ABL1: variants seen among roughly 807,000 people sequenced by gnomAD.
The protein encoded by ABL1 is tyrosine-protein kinase ABL1.
A neutral mutation model predicts 94.7 loss-of-function variants in ABL1; 11 were observed. The observed-to-expected ratio is 0.12, with a 90% CI of 0.07 to 0.19. The LOEUF (loss-of-function observed/expected upper bound fraction) is 0.19, where lower values mean the gene tolerates loss of function less well. Among genes scored for constraint, ABL1 ranks in the 10% least tolerant of loss-of-function variants. The pLI is 1.00. For synonymous variants in ABL1, 656 were observed against 622.4 expected (o/e 1.05, Z -0.80); for missense variants, 1,082 against 1,489.4 (o/e 0.73, Z 4.50).
chr9:130,721,225 A>G (rs978979536), intron 1 of ABL1, among the ~76,000 whole-genome samples: 4 of 151,862 alleles, frequency 2.6e-5, no homozygotes, highest in Admixed American at 6.6e-5. Context: ...CTAAAAATAC[A>G]AAAATTAGTC....
intron 1 of ABL1, among the ~76,000 whole-genome samples, chr9:130,811,370 CATAAG>C (rs1192882720): frequency 6.6e-6 from 1 of 152,082 alleles, no homozygotes; most frequent in Non-Finnish European, 1.5e-5. Flanking sequence ...TGGATAAATA[CATAAG>C]ATATTTTTTC....
rs369076507 is a variant in ABL1, at chr9:130,835,454, A to C, written c.8A>C (p.Glu3Ala). ML[E>A]ICLKLVGCKS... The stretch of plus-strand genomic sequence containing the variant: ...ACGTGCTGGCGCGGGAAAATGTTGG[A>C]GATCTGCCTGAAGCTGGTGGGCTGC... The change falls in exon 1 of 11, where the codon GAG becomes GCG. Residue 3 changes from glutamate to alanine, a missense_variant. Physicochemically the swap from Glu to Ala is moderately radical, Grantham distance 107 (BLOSUM62 -1). Coordinates refer to ENST00000318560, the MANE Select transcript of ABL1 (RefSeq NM_005157.6). This position sits in a 1 kb window ranked among gnomAD's most constrained non-coding sequence, Gnocchi z 4.6. The C allele has an allele frequency of 6.4e-6, 10 of 1,552,650 alleles. No individual in the cohort carries two copies. Among genetic ancestry groups the C allele is most frequent in the Admixed American group, 2.0e-5 (1 of 51,090 alleles).
At chr9:130,740,866 G>A (rs1338002628) in intron 1 of ABL1, among the ~76,000 whole-genome samples, 3 of 110,788 alleles carry the variant, frequency 2.7e-5, no homozygotes, top group Non-Finnish European at 5.0e-5. Context: ...TCACTCTGTT[G>A]AACTCCTGGT....
Position 130,862,044 on chromosome 9 carries a change from C to G in ABL1, c.550-719C>G, listed in dbSNP as rs1831082123. Among the ~76,000 whole-genome samples the G allele has an allele frequency of 6.6e-6, 1 of 152,190 alleles. No individual in the cohort carries two copies. ...ACCGAATGCTCTTGTGTCGTAAATC[C>G]TTCCTTTTGCTTCCTCGTGTTGGAT... On this transcript the variant is annotated intron_variant, in intron 3 of 10. Coordinates refer to ENST00000318560, the MANE Select transcript of ABL1 (RefSeq NM_005157.6). The surrounding 1 kb of genome is among the most constrained non-coding windows in gnomAD (Gnocchi z 5.5).
chr9:130,877,831 G>T (rs34489018), intron 7 of ABL1, among the ~76,000 whole-genome samples: 1,480 of 124,594 alleles, frequency 0.012, 163 homozygotes, highest in African/African-American at 0.049. Context: ...TTTTGAGATG[G>T]AGTCTCGCTC....
chr9:130,813,561 CAAAA>C lies in ABL1; in HGVS notation c.137-40482_137-40479del, dbSNP rs57194587. Reference sequence around the variant, plus strand: ...GGCTGAGAGAGCGAGACTCCATCTCCAAAAAAAAAAAAAAAAAAAAAAAAGAAAG... The same window carrying C: ...GGCTGAGAGAGCGAGACTCCATCTCCAAAAAAAAAAAAAAAAAAAAGAAAG... On this transcript the variant is annotated intron_variant, in intron 1 of 10. Transcript: ENST00000372348. Among the ~76,000 whole-genome samples, 225 of 60,676 alleles carry C rather than the reference CAAAA, an allele frequency of 3.7e-3. 1 individual carries two copies. The highest frequency in any genetic ancestry group is 0.012 in the African/African-American group (215 of 17,980). 39.8% of individuals were successfully genotyped at this position (60,676 alleles called of 152,430 possible). A position where few individuals can be genotyped will look rare whatever the true frequency, so the allele number is the denominator to read the frequency against.
At chr9:130,747,401 C>T (rs1210867802) in intron 1 of ABL1, among the ~76,000 whole-genome samples, 1 of 151,978 alleles carries the variant, frequency 6.6e-6, no homozygotes, top group African/African-American at 2.4e-5. Context: ...AATCAAGTCT[C>T]CCTCAGTCTT....
In ABL1 at chr9:130,872,840, C is replaced by G. The variant is rs1363548533; in HGVS notation, c.908-20C>G. ...TGGGAGCGGAGCCACGTGTTGAAGT[C>G]CTCGTTGTCTTGTTGGCAGGGGTCT... is the stretch of plus-strand genomic sequence containing the variant. On this transcript the variant is annotated intron_variant, in intron 5 of 10. Transcript: ENST00000318560. This position sits in a 1 kb window ranked among gnomAD's most constrained non-coding sequence, Gnocchi z 5.0. The G allele has an allele frequency of 1.9e-6, 3 of 1,599,886 alleles. No individual in the cohort carries two copies. In the Middle Eastern group the frequency reaches 5.0e-4, roughly 267 times the overall value.
At position 130,883,958 on chromosome 9, in the gene ABL1, T is replaced by C. The variant is rs34011272; in HGVS notation, c.1679-11T>C. On this transcript the variant is annotated splice_polypyrimidine_tract_variant and intron_variant, in intron 10 of 10. Transcript: ENST00000318560. ...TGTCTGGAGTTGTCAGCTCTTCCCC[T>C]TGCGTTTCAGATCCTCTGGACCATG... 1.6e-4 allele frequency: 251 copies of C among 1,600,758 alleles called. No individual in the cohort carries two copies. In the East Asian group the frequency reaches 5.2e-3, roughly 33 times the overall value.
intron 1 of ABL1, among the ~76,000 whole-genome samples, chr9:130,824,404 C>T (rs1406711070): frequency 6.6e-6 from 1 of 152,134 alleles, no homozygotes; most frequent in Non-Finnish European, 1.5e-5. Flanking sequence ...GATGCCCAGC[C>T]AAAGTGGGGA....
intron 1 of ABL1, among the ~76,000 whole-genome samples, chr9:130,775,323 AT>A (rs1180007932): frequency 5.3e-5 from 8 of 152,274 alleles, no homozygotes; most frequent in Admixed American, 4.6e-4. Context: ...ATAGCTTTAG[AT>A]ATAAAAACTG....
rs587778014 is a variant in ABL1, at chr9:130,884,433, C to T, written c.2143C>T (p.Arg715Cys). ...GGGSSSKRFL[R>C]SCSASCVPHG... ...TGGCAGCTCCAGCAAGCGCTTCCTG[C>T]GCTCTTGCTCCGCCTCCTGCGTTCC... Residue 715 changes from arginine (R) to cysteine (C), a missense_variant, in exon 11 of 11, where the codon CGC becomes TGC. Arg to Cys is a radical substitution (Grantham distance 180, BLOSUM62 -3). Around this residue, in one of 7 missense-constraint regions of ABL1, gnomAD observed 780 missense variants for 835.8 expected, o/e 0.93. Transcript: ENST00000318560. The surrounding 1 kb of genome is among the most constrained non-coding windows in gnomAD (Gnocchi z 5.6). The T allele has an allele frequency of 4.3e-6, 7 of 1,612,234 alleles. No homozygotes were observed. The highest frequency in any genetic ancestry group is 1.7e-5 in the Admixed American group (1 of 59,990).
chr9:130,796,329 C>T (rs1342589691), intron 1 of ABL1, among the ~76,000 whole-genome samples: 4 of 152,120 alleles, frequency 2.6e-5, no homozygotes, highest in African/African-American at 9.7e-5. Context: ...TCAAGACCAG[C>T]TTGGGCAACA....
chr9:130,856,559 TA>T (rs1195865598), intron 3 of ABL1, among the ~76,000 whole-genome samples: 4 of 152,166 alleles, frequency 2.6e-5, no homozygotes, highest in East Asian at 1.9e-4. Flanking sequence ...TGCATATGGT[TA>T]AAAAAAATCA....
intron 1 of ABL1, among the ~76,000 whole-genome samples, chr9:130,826,983 C>T (rs533273820): frequency 2.0e-5 from 3 of 152,250 alleles, no homozygotes; most frequent in Non-Finnish European, 4.4e-5. Context: ...GAGGCTGAGG[C>T]AGGAGAATGG....
intron 1 of ABL1, among the ~76,000 whole-genome samples, chr9:130,823,166 T>C (rs1211231616): frequency 6.6e-6 from 1 of 152,184 alleles, no homozygotes; most frequent in Admixed American, 6.5e-5. Flanking sequence ...TGCAAGTTTA[T>C]AGAAAGGAAA....
At chr9:130,753,134 G>GT (rs1465980674) in intron 1 of ABL1, among the ~76,000 whole-genome samples, 3 of 151,718 alleles carry the variant, frequency 2.0e-5, no homozygotes, top group African/African-American at 7.3e-5. Context: ...GCTGGCACCT[G>GT]TAGTCCCAGC....
In ABL1 at chr9:130,819,724, G is replaced by A. The variant is rs145017157; in HGVS notation, c.137-34340G>A. On this transcript the variant is annotated intron_variant, in intron 1 of 10. Transcript: ENST00000372348. Reference sequence around the variant, plus strand: ...CGGCTACTTTTTTTTTGTATTTTTAGTAGAGATGGAGTTTCACCGTGCTGG... The same window carrying A: ...CGGCTACTTTTTTTTTGTATTTTTAATAGAGATGGAGTTTCACCGTGCTGG... Among the ~76,000 whole-genome samples, 232 of 151,744 alleles carry A rather than the reference G, an allele frequency of 1.5e-3. 1 individual carries two copies. Among genetic ancestry groups the A allele is most frequent in the African/African-American group, 5.2e-3 (217 of 41,376 alleles).
intron 4 of ABL1, among the ~76,000 whole-genome samples, chr9:130,865,695 G>A (rs1403853473): frequency 7.1e-6 from 1 of 141,358 alleles, no homozygotes; most frequent in South Asian, 2.2e-4. Flanking sequence ...GCAGTGAGCC[G>A]TAATCGTGCC....
Sources: allele counts gnomAD v4.1 joint callset (sites outside exome capture counted in the v4.1 genomes callset), GRCh38; gene constraint gnomAD v4.1.1; regional missense constraint gnomAD v4.1.1; non-coding constraint Gnocchi (gnomAD v3.1); transcripts MANE v1.5; gene names NCBI Gene and HGNC (gene_info 2026-07-23, HGNC 2026-07-21).